Variants in GLYATL2 observed in about 807,000 individuals in gnomAD.
The protein encoded by GLYATL2 is glycine-N-acyltransferase like 2.
A neutral mutation model predicts 21.4 loss-of-function variants in GLYATL2; 25 were observed. That is an observed-to-expected ratio of 1.17 (90% CI 0.85 to 1.63). The LOEUF (loss-of-function observed/expected upper bound fraction) is 1.63. Among genes scored for constraint, GLYATL2 ranks in the 40% most tolerant of loss-of-function variants. GLYATL2 has a pLI of 0.00. For synonymous variants in GLYATL2, 114 were observed against 118.2 expected (o/e 0.96, Z 0.23); for missense variants, 361 against 343.3 (o/e 1.05, Z -0.41).
At chr11:58,873,436 T>C (rs1196471386) in intron 1 of GLYATL2, among the ~76,000 whole-genome samples, 1 of 152,176 alleles carries the variant, frequency 6.6e-6, no homozygotes, top group Non-Finnish European at 1.5e-5. Context: ...CATAGATAGC[T>C]CTTATTATTT....
chr11:58,851,861 A>G (rs1160871328), intron 1 of GLYATL2, among the ~76,000 whole-genome samples: 1 of 152,230 alleles, frequency 6.6e-6, no homozygotes, highest in Admixed American at 6.5e-5. Flanking sequence ...TTAGTGGGAT[A>G]CACACAAGGG....
At chr11:58,868,329 G>A (rs1469765110) in intron 1 of GLYATL2, among the ~76,000 whole-genome samples, 1 of 148,700 alleles carries the variant, frequency 6.7e-6, no homozygotes, top group Admixed American at 6.9e-5. Flanking sequence ...AAGCATCAAA[G>A]AATCGAAACT....
chr11:58,867,786 A>G (rs1854047123), intron 1 of GLYATL2, among the ~76,000 whole-genome samples: 2 of 149,012 alleles, frequency 1.3e-5, no homozygotes, highest in Admixed American at 1.4e-4. Context: ...CGTGACACAT[A>G]AGGCTAAACC....
chr11:58,872,560 G>A (rs1412310322), intron 1 of GLYATL2, among the ~76,000 whole-genome samples: 5 of 152,214 alleles, frequency 3.3e-5, no homozygotes, highest in Admixed American at 3.3e-4. Flanking sequence ...CCCATTGCTT[G>A]TTCTTGTCAG....
upstream of GLYATL2, chr11:58,908,021 T>C (rs1854947723): frequency 6.5e-6 from 1 of 152,922 alleles, no homozygotes; most frequent in Non-Finnish European, 1.5e-5. Flanking sequence ...CTGTTCCTTT[T>C]CAACAGTTTC....
intron 1 of GLYATL2, among the ~76,000 whole-genome samples, chr11:58,855,729 T>A (rs1395161277): frequency 6.6e-6 from 1 of 152,276 alleles, no homozygotes; most frequent in East Asian, 1.9e-4. Context: ...GGGAATTTGT[T>A]GTTTGGTGTA....
At chr11:58,836,261 AT>A (rs1853429290) in intron 5 of GLYATL2, among the ~76,000 whole-genome samples, 2 of 152,070 alleles carry the variant, frequency 1.3e-5, no homozygotes, top group South Asian at 4.1e-4. Context: ...TTTTGGAAAT[AT>A]TTTATAATCT....
chr11:58,892,670 G>A, intron 1 of GLYATL2: 2 of 354,706 alleles, frequency 5.6e-6, no homozygotes, highest in Non-Finnish European at 1.1e-5. Flanking sequence ...AGGTCTTCAA[G>A]AAAGTTTAGG....
intron 1 of GLYATL2, among the ~76,000 whole-genome samples, chr11:58,856,435 T>C (rs1328616462): frequency 6.6e-6 from 1 of 152,240 alleles, no homozygotes; most frequent in African/African-American, 2.4e-5. Flanking sequence ...TTTCCTTGCA[T>C]TCACAACTTG....
At chr11:58,859,344 C>T (rs1459211892) in intron 1 of GLYATL2, among the ~76,000 whole-genome samples, 3 of 152,088 alleles carry the variant, frequency 2.0e-5, no homozygotes, top group African/African-American at 7.2e-5. Flanking sequence ...CTCTCATCCT[C>T]TCACCTGTGT....
chr11:58,885,801 G>C (rs1413132159), intron 1 of GLYATL2, among the ~76,000 whole-genome samples: 4 of 152,200 alleles, frequency 2.6e-5, no homozygotes, highest in Admixed American at 6.5e-5. Flanking sequence ...AGGGCCCTTT[G>C]AGGTGGCAGG....
upstream of GLYATL2, among the ~76,000 whole-genome samples, chr11:58,849,008 T>C (rs1372582491): frequency 1.3e-5 from 2 of 152,178 alleles, no homozygotes; most frequent in Admixed American, 6.6e-5. Context: ...AGCAGATTTT[T>C]CAGTGGAAAC....
At chr11:58,899,098 T>C (rs893633675) in intron 1 of GLYATL2, among the ~76,000 whole-genome samples, 1 of 152,162 alleles carries the variant, frequency 6.6e-6, no homozygotes, top group South Asian at 2.1e-4. Context: ...AAGGTAACCT[T>C]GAACCTTCAT....
chr11:58,860,198 T>C (rs1271736138), intron 1 of GLYATL2, among the ~76,000 whole-genome samples: 1 of 152,158 alleles, frequency 6.6e-6, no homozygotes, highest in African/African-American at 2.4e-5. Flanking sequence ...TGTAAATCAC[T>C]TGGGCCATTA....
chr11:58,870,140 GC>G (rs1211656746), intron 1 of GLYATL2, among the ~76,000 whole-genome samples: 1 of 152,118 alleles, frequency 6.6e-6, no homozygotes, highest in Non-Finnish European at 1.5e-5. Context: ...TGACAATGGG[GC>G]ACAGGAGCAT....
intron 3 of GLYATL2, among the ~76,000 whole-genome samples, chr11:58,838,034 G>T (rs1480648262): frequency 6.6e-6 from 1 of 152,150 alleles, no homozygotes; most frequent in Non-Finnish European, 1.5e-5. Flanking sequence ...TAGATTGACT[G>T]GGTGGAATCC....
chr11:58,848,455 A>G (rs1032045774), upstream of GLYATL2, among the ~76,000 whole-genome samples: 2 of 152,226 alleles, frequency 1.3e-5, no homozygotes, highest in African/African-American at 2.4e-5. Context: ...AACTTAAGAT[A>G]ACACAGAGAA....
upstream of GLYATL2, chr11:58,844,777 A>T (rs139758874): frequency 2.0e-5 from 3 of 152,330 alleles, no homozygotes; most frequent in African/African-American, 7.2e-5. Flanking sequence ...AACAATATTA[A>T]GTCAATTTTC....
intron 1 of GLYATL2, among the ~76,000 whole-genome samples, chr11:58,860,327 A>C (rs1428990373): frequency 3.4e-5 from 1 of 29,358 alleles, no homozygotes; most frequent in Non-Finnish European, 3.5e-4. Flanking sequence ...TAAGTCTTTT[A>C]CCACCTTGTT....
Sources: gnomAD v4.1 joint callset for allele counts (sites outside exome capture counted in the v4.1 genomes callset) on GRCh38, gnomAD v4.1.1 for gene constraint, MANE v1.5 for transcripts, NCBI Gene and HGNC (gene_info 2026-07-23, HGNC 2026-07-21) for gene names.